The following RPAP1 variants were observed in gnomAD, a reference collection of about 807,000 sequenced individuals.
RPAP1 encodes the protein RNA polymerase II associated protein 1, also known as RNA polymerase II-associated protein 1.
A neutral mutation model predicts 142.4 loss-of-function variants in RPAP1; 109 were observed. The ratio of observed to expected loss-of-function variants is 0.77; its 90% CI spans 0.66 to 0.90. The LOEUF is 0.90. Ranked by LOEUF, RPAP1 falls within the 40% of genes least tolerant of loss-of-function variation. The probability of loss-of-function intolerance (pLI) is 0.00; values close to 1 mark genes in which losing one functional copy is unlikely to be tolerated. For missense variants in RPAP1, 1,546 were observed against 1,751.7 expected, an observed-to-expected ratio of 0.88 and a Z score of 2.10; for synonymous variants, 704 against 738.9, an observed-to-expected ratio of 0.95 and a Z score of 0.77.
chr15:41,520,340 C>T (rs1348476787), intron 22 of RPAP1, 51 bp downstream of exon 22: 11 of 1,601,526 alleles, frequency 6.9e-6, no homozygotes, highest in Non-Finnish European at 6.0e-6. Context: ...GGACTGCCCC[C>T]GAGGCCCAGT....
chr15:41,520,727 AG>A lies in RPAP1; in HGVS notation c.3458del (p.Ala1153ValfsTer52). 6.2e-7 allele frequency: 1 copy of A among 1,613,994 alleles called. No homozygotes were observed. The highest frequency in any genetic ancestry group is 8.5e-7 in the Non-Finnish European group (1 of 1,180,030). On this transcript the variant is annotated frameshift_variant, in exon 22 of 25. Transcript: ENST00000304330. LOFTEE classifies it high-confidence loss of function. ...CACACATGAGCCGTGCCAGGCGGGC[AG>A]CAGGGGGCACAGCCCAGAGAGCCTG... ...RPQALWAVPPAARLARLMCVF... is the reference protein window; with the variant it reads ...RPQALWAVPPXARLARLMCVF...
Position 41,523,988 on chromosome 15 carries a change from A to G in RPAP1, c.2235-16T>C, listed in dbSNP as rs557896983. ...AGCAGAATCACTACAAAAGTGCCAA[A>G]GGGTGCCACAGTGAGGATCTGGCTG... On this transcript the variant is annotated splice_polypyrimidine_tract_variant and intron_variant, in intron 16 of 24. Transcript: ENST00000304330. 1.2e-6 allele frequency: 2 copies of G among 1,613,534 alleles called. No homozygotes were observed. The highest frequency in any genetic ancestry group is 3.3e-5 in the Admixed American group (2 of 60,006).
At position 41,528,861 on chromosome 15, in the gene RPAP1, G is replaced by C. The variant is rs980532835; in HGVS notation, c.1159-525C>G. On this transcript the variant is annotated intron_variant, in intron 9 of 24. Coordinates refer to ENST00000304330, the MANE Select transcript of RPAP1 (RefSeq NM_015540.4). Reference sequence around the variant, plus strand: ...AACTTCTGGAGGCAAGGCATGGCCTGAGCTGGGCCAGAAGAAATCAGCACA... The same window carrying C: ...AACTTCTGGAGGCAAGGCATGGCCTCAGCTGGGCCAGAAGAAATCAGCACA... Among the ~76,000 whole-genome samples the C allele has an allele frequency of 3.3e-5, 5 of 152,184 alleles. No homozygotes were observed. The South Asian group carries it at 1.0e-3, about 32-fold the overall frequency.
chr15:41,534,811 C>T lies in RPAP1; in HGVS notation c.666G>A (p.Gln222=). The T allele has an allele frequency of 6.2e-7, 1 of 1,614,158 alleles. No homozygotes were observed. The highest frequency in any genetic ancestry group is 8.5e-7 in the Non-Finnish European group (1 of 1,180,012). ...GKGLRDQEAE[Q]EAQTIHEENI... Reference sequence around the variant, plus strand: ...TCTCTTCATGGATAGTCTGGGCTTCCTGCTCAGCTTCTTGATCCCTGAGCC... The same window carrying T: ...TCTCTTCATGGATAGTCTGGGCTTCTTGCTCAGCTTCTTGATCCCTGAGCC... Residue 222 remains glutamine, a synonymous_variant, in exon 6 of 25, where the codon CAG becomes CAA. Transcript: ENST00000304330.
At chr15:41,533,974 T>A (rs1429680869) in intron 6 of RPAP1, among the ~76,000 whole-genome samples, 1 of 150,510 alleles carries the variant, frequency 6.6e-6, no homozygotes, top group Non-Finnish European at 1.5e-5. Context: ...ATACAAAAAT[T>A]AGTTGGGTAT....
chr15:41,520,326 C>A, intron 22 of RPAP1, 65 bp downstream of exon 22: 2 of 1,579,036 alleles, frequency 1.3e-6, no homozygotes, highest in Non-Finnish European at 1.7e-6. Context: ...CTCCTCAAGG[C>A]TCAGGACTGC....
At chr15:41,523,177 C>T in intron 18 of RPAP1, 68 bp downstream of exon 18, 1 of 1,202,220 alleles carries the variant, frequency 8.3e-7, no homozygotes, top group Non-Finnish European at 1.2e-6. Context: ...GAGCTGGACC[C>T]AGGAATCCCA....
chr15:41,524,810 T>C (rs1043704182), intron 15 of RPAP1, among the ~76,000 whole-genome samples, 181 bp downstream of exon 15: 2 of 152,170 alleles, frequency 1.3e-5, no homozygotes, highest in Admixed American at 6.6e-5. Context: ...AAGCCAGGTT[T>C]ATCCCCCTCT....
In RPAP1 at chr15:41,520,749, G is replaced by A. The variant is rs267604187; in HGVS notation, c.3437C>T (p.Ala1146Val). 2 of 1,613,780 alleles carry A rather than the reference G, an allele frequency of 1.2e-6. No individual in the cohort carries two copies. The highest frequency in any genetic ancestry group is 2.2e-5 in the East Asian group (1 of 44,868). ...GGCAGCAGGGGGCACAGCCCAGAGA[G>A]CCTGGGGGCGCCAGCTCTCCAAAAC... ...VLVLESWRPQALWAVPPAARL... is the reference protein window; with the variant it reads ...VLVLESWRPQVLWAVPPAARL... The change falls in exon 22 of 25, where the codon GCT becomes GTT. Residue 1146 changes from alanine to valine, a missense_variant. Ala to Val is a moderately conservative substitution (Grantham distance 64, BLOSUM62 0). Transcript: ENST00000304330.
At chr15:41,529,195 C>T (rs913792572) in intron 9 of RPAP1, among the ~76,000 whole-genome samples, 5 of 152,166 alleles carry the variant, frequency 3.3e-5, no homozygotes, top group Middle Eastern at 3.4e-3. Flanking sequence ...ATTAGCTGGA[C>T]GTGGTGGCAT....
Position 41,520,668 on chromosome 15 carries a change from G to A in RPAP1, c.3518C>T (p.Ser1173Phe), listed in dbSNP as rs143565640. 4.9e-5 allele frequency: 79 copies of A among 1,614,164 alleles called. No homozygotes were observed. In the African/African-American group the frequency reaches 9.7e-4, roughly 20 times the overall value. ...FLVDSELFRE[S>F]PVQHLVAALL... ...GGCTGCCACCAGATGCTGTACTGGG[G>A]ACTCCCGGAACAGCTCACTGTCCAC... The change falls in exon 22 of 25, where the codon TCC (serine) becomes TTC (phenylalanine). Residue 1173 changes from serine (S) to phenylalanine (F), a missense_variant. Ser to Phe is a radical substitution (Grantham distance 155, BLOSUM62 -2). Transcript: ENST00000304330.
At chr15:41,532,381 C>T (rs149218575) in intron 6 of RPAP1, among the ~76,000 whole-genome samples, 58 of 152,022 alleles carry the variant, frequency 3.8e-4, no homozygotes, top group Middle Eastern at 3.4e-3. Flanking sequence ...TCAAGCTGGT[C>T]GTAAACTCTT....
At chr15:41,536,290 C>T (rs2051906355) in intron 3 of RPAP1, 72 bp from the exon 4 acceptor site, 1 of 1,467,616 alleles carries the variant, frequency 6.8e-7, no homozygotes, top group Non-Finnish European at 9.5e-7. Flanking sequence ...ATCCTATTAG[C>T]CCAGTTCTGA....
In RPAP1 at chr15:41,537,132, GCTCCAGCTGCCTCCCCAGTACGACTCT is replaced by G; in HGVS notation, c.-34_-8del. ...GCTTCGGTCTCGACAGCATCTTGCT[GCTCCAGCTGCCTCCCCAGTACGACTCT>G]CTCCAGCAGTGTCTCCGTGTGGGGG... is the stretch of plus-strand genomic sequence containing the variant. On this transcript the variant is annotated 5_prime_UTR_variant, in exon 2 of 25. Coordinates refer to ENST00000304330, the MANE Select transcript of RPAP1 (RefSeq NM_015540.4). 1.2e-6 allele frequency: 2 copies of G among 1,612,574 alleles called. No homozygotes were observed. The highest frequency in any genetic ancestry group is 2.2e-5 in the South Asian group (2 of 90,850).
intron 1 of RPAP1, among the ~76,000 whole-genome samples, chr15:41,538,725 TAA>T (rs2051940307): frequency 6.6e-6 from 1 of 152,200 alleles, no homozygotes; most frequent in African/African-American, 2.4e-5. Flanking sequence ...CTCCAAAGGT[TAA>T]GACTTTACGT....
At chr15:41,539,673 GC>G (rs1165038953) in intron 1 of RPAP1, among the ~76,000 whole-genome samples, 3 of 152,006 alleles carry the variant, frequency 2.0e-5, no homozygotes, top group Non-Finnish European at 2.9e-5. Context: ...CAAGAAATCT[GC>G]CCACCTTGGG....
chr15:41,523,108 G>T, intron 18 of RPAP1, 137 bp downstream of exon 18: 1 of 908,138 alleles, frequency 1.1e-6, no homozygotes, highest in Non-Finnish European at 1.6e-6. Flanking sequence ...CCCCACTGCT[G>T]CCTGCTAGGG....
Position 41,528,002 on chromosome 15 carries a change from C to T in RPAP1, c.1286G>A (p.Arg429Gln), listed in dbSNP as rs2289741. The change falls in exon 11 of 25, where the codon CGG (arginine) becomes CAG (glutamine). Residue 429 changes from arginine (R) to glutamine (Q), a missense_variant. Around this residue, in one of 3 missense-constraint regions of RPAP1, gnomAD observed 1,333 missense variants for 1,486.6 expected, o/e 0.90. Transcript: ENST00000304330. The part of the protein sequence containing the change: ...SRAQAGEFGD[R>Q]LAGSVLSLLL... ...GAGGCTTAAGACACTGCCTGCTAGC[C>T]GGTCCCCAAACTCACCAGCCTGGGC... 97,393 of 1,613,694 alleles carry T rather than the reference C, an allele frequency of 0.06. 4,663 individuals are homozygous for T. The highest frequency in any genetic ancestry group is 0.3 in the East Asian group (13,311 of 44,826).
chr15:41,534,964 G>T, intron 5 of RPAP1, 29 bp from the exon 6 acceptor site: 1 of 1,603,868 alleles, frequency 6.2e-7, no homozygotes, highest in Non-Finnish European at 8.5e-7. Flanking sequence ...CACATTCATT[G>T]CTCTGTCCTC....
Sources: gnomAD v4.1 joint callset for allele counts (sites outside exome capture counted in the v4.1 genomes callset) on GRCh38, gnomAD v4.1.1 for gene constraint, gnomAD v4.1.1 regional missense constraint, MANE v1.5 for transcripts, NCBI Gene and HGNC (gene_info 2026-07-23, HGNC 2026-07-21) for gene names.